Variants in UBE2D3 observed in about 807,000 individuals in gnomAD.
UBE2D3 encodes ubiquitin conjugating enzyme E2 D3.
UBE2D3 carries 2 observed loss-of-function variants against 22.8 expected under a neutral mutation model. The observed-to-expected ratio is 0.09, with a 90% CI of 0.04 to 0.28. The LOEUF (loss-of-function observed/expected upper bound fraction) is 0.28. Among genes scored for constraint, UBE2D3 ranks in the 10% least tolerant of loss-of-function variants. UBE2D3 has a pLI of 1.00. For synonymous variants in UBE2D3, 56 were observed against 60.4 expected (o/e 0.93, Z 0.34); for missense variants, 27 against 182.5 (o/e 0.15, Z 4.91).
intron 1 of UBE2D3, among the ~76,000 whole-genome samples, chr4:102,832,992 G>GTC: frequency 9.1e-6 from 1 of 110,322 alleles, no homozygotes; most frequent in South Asian, 2.8e-4. Context: ...GTGAGACCCT[G>GTC]TCTCTCAAAA....
intron 1 of UBE2D3, among the ~76,000 whole-genome samples, chr4:102,839,883 T>G (rs1731645080): frequency 6.6e-6 from 1 of 152,168 alleles, no homozygotes; most frequent in African/African-American, 2.4e-5. Flanking sequence ...ATTTACAAAC[T>G]ATTAATCCAA....
intron 2 of UBE2D3, among the ~76,000 whole-genome samples, chr4:102,824,520 CCTT>C (rs1730151333): frequency 6.6e-6 from 1 of 152,176 alleles, no homozygotes; most frequent in Admixed American, 6.5e-5. Flanking sequence ...CAACAGATAC[CCTT>C]CTTATAGAGG....
At chr4:102,832,360 G>A (rs1433223860), upstream of UBE2D3, among the ~76,000 whole-genome samples, 2 of 151,958 alleles carry the variant, frequency 1.3e-5, no homozygotes, top group Non-Finnish European at 2.9e-5. Context: ...AGACAAGATA[G>A]ATTTGAAAGA....
chr4:102,859,543 T>C (rs141564895), intron 1 of UBE2D3, among the ~76,000 whole-genome samples: 4 of 152,116 alleles, frequency 2.6e-5, no homozygotes, highest in African/African-American at 9.6e-5. Flanking sequence ...TCTTTGGGAA[T>C]TGTGGATCTG....
chr4:102,844,803 G>A (rs1731953848), intron 1 of UBE2D3, among the ~76,000 whole-genome samples: 1 of 151,930 alleles, frequency 6.6e-6, no homozygotes, highest in African/African-American at 2.4e-5. Context: ...GGTGGATCAC[G>A]AGGTCAGCAG....
chr4:102,802,714 A>T (rs1726380833), intron 4 of UBE2D3, 76 bp from the exon 5 acceptor site: 5 of 1,206,562 alleles, frequency 4.1e-6, no homozygotes, highest in Non-Finnish European at 5.8e-6. Flanking sequence ...GTTTCCAAGC[A>T]TTTCTCTAAT....
intron 1 of UBE2D3, among the ~76,000 whole-genome samples, chr4:102,859,253 A>C (rs1732767098): frequency 6.6e-6 from 1 of 151,894 alleles, no homozygotes; most frequent in Non-Finnish European, 1.5e-5. Context: ...TCTGGCTTGC[A>C]AGGTTTGCTG....
upstream of UBE2D3, among the ~76,000 whole-genome samples, chr4:102,830,971 C>T (rs544364356): frequency 2.7e-4 from 41 of 152,254 alleles, no homozygotes; most frequent in African/African-American, 9.1e-4. Flanking sequence ...ATTATAATAA[C>T]TTGAGAGTAA....
chr4:102,862,547 A>AGG (rs1732949556), intron 1 of UBE2D3, among the ~76,000 whole-genome samples: 1 of 147,980 alleles, frequency 6.8e-6, no homozygotes, highest in Non-Finnish European at 1.5e-5. Context: ...ACTTTTTCTT[A>AGG]GTTTATTCCT....
At position 102,794,660 on chromosome 4, in the gene UBE2D3, A is replaced by AAACC. The variant is rs569542663; in HGVS notation, c.*2754_*2755insGGTT. The stretch of plus-strand genomic sequence containing the variant: ...CTTCAACTAAGCCATTTCAACAAAC[A>AAACC]AAAAAAAACAAACAAAAAAAAAAGT... On this transcript the variant is annotated 3_prime_UTR_variant, in exon 8 of 8. Coordinates refer to ENST00000453744, the MANE Select transcript of UBE2D3 (RefSeq NM_181891.3). The AAACC allele has an allele frequency of 1.4e-5, 2 of 144,122 alleles. No homozygotes were observed. Among genetic ancestry groups the AAACC allele is most frequent in the African/African-American group, 2.8e-5 (1 of 36,178 alleles). 8.9% of individuals were successfully genotyped at this position (144,122 alleles called of 1,614,324 possible).
intron 2 of UBE2D3, among the ~76,000 whole-genome samples, chr4:102,821,580 G>T (rs1013393829): frequency 6.7e-6 from 1 of 149,454 alleles, no homozygotes; most frequent in Non-Finnish European, 1.5e-5. Flanking sequence ...AAATGATTTA[G>T]TAAGTCTAAG....
chr4:102,854,252 A>T (rs1732525789), intron 1 of UBE2D3, among the ~76,000 whole-genome samples: 1 of 152,048 alleles, frequency 6.6e-6, no homozygotes. Flanking sequence ...TGTTATTTTT[A>T]TATTGACAAA....
chr4:102,826,401 G>T, intron 2 of UBE2D3, 84 bp downstream of exon 2: 2 of 1,533,660 alleles, frequency 1.3e-6, no homozygotes, highest in Non-Finnish European at 1.8e-6. Context: ...TCAGAATTAT[G>T]CTTCCTTCCC....
chr4:102,807,490 T>C (rs1727247978), intron 4 of UBE2D3, among the ~76,000 whole-genome samples: 1 of 152,204 alleles, frequency 6.6e-6, no homozygotes, highest in Non-Finnish European at 1.5e-5. Context: ...ACTAACCTTT[T>C]TAACTGAAAA....
rs776574592 is a variant in UBE2D3, at chr4:102,809,638, C to G, written c.120+34G>C. 15 of 1,568,000 alleles carry G rather than the reference C, an allele frequency of 9.6e-6. No homozygotes were observed. The South Asian group carries it at 1.8e-4, about 19-fold the overall frequency. On this transcript the variant is annotated intron_variant, in intron 4 of 7. Coordinates refer to ENST00000453744, the MANE Select transcript of UBE2D3 (RefSeq NM_181891.3). Reference sequence around the variant, plus strand: ...CAACCAAATCAATGCTGGATTTTCACTTAAAACTAAATTTAAAAATTCTTA... The same window carrying G: ...CAACCAAATCAATGCTGGATTTTCAGTTAAAACTAAATTTAAAAATTCTTA...
intron 1 of UBE2D3, among the ~76,000 whole-genome samples, chr4:102,868,072 CTTTTTTT>C (rs11418599): frequency 8.7e-6 from 1 of 115,278 alleles, no homozygotes; most frequent in African/African-American, 3.6e-5. Flanking sequence ...GCTTTAGATT[CTTTTTTT>C]TTTTTTTTTT....
At chr4:102,857,847 C>T (rs1454421991) in intron 1 of UBE2D3, among the ~76,000 whole-genome samples, 1 of 151,978 alleles carries the variant, frequency 6.6e-6, no homozygotes, top group Non-Finnish European at 1.5e-5. Context: ...GCATGCACCA[C>T]CATGCCTGGC....
intron 1 of UBE2D3, chr4:102,868,569 T>C: frequency 1.0e-6 from 1 of 955,736 alleles, no homozygotes; most frequent in South Asian, 1.4e-5. Context: ...GCCTGGCCTT[T>C]GGGTGAAGGA....
At chr4:102,813,438 C>T (rs1044140888) in intron 2 of UBE2D3, among the ~76,000 whole-genome samples, 3 of 152,080 alleles carry the variant, frequency 2.0e-5, no homozygotes, top group Admixed American at 6.6e-5. Flanking sequence ...GAAAAGGTGA[C>T]GCTAAGATTT....
Sources: gnomAD v4.1 joint callset for allele counts (sites outside exome capture counted in the v4.1 genomes callset) on GRCh38, gnomAD v4.1.1 for gene constraint, MANE v1.5 for transcripts, NCBI Gene and HGNC (gene_info 2026-07-23, HGNC 2026-07-21) for gene names.